The following PDE10A variants were observed in gnomAD, a reference collection of about 807,000 sequenced individuals.
PDE10A encodes cAMP and cAMP-inhibited cGMP 3',5'-cyclic phosphodiesterase 10A.
Under a neutral mutation model 97.7 loss-of-function variants are expected in PDE10A, and 39 were observed. That is an observed-to-expected ratio of 0.40 (90% CI 0.31 to 0.52). The LOEUF is 0.52. Among genes scored for constraint, PDE10A ranks in the 20% least tolerant of loss-of-function variants. The pLI is 0.56. For missense variants in PDE10A, 731 were observed against 1,047.8 expected (o/e 0.70, Z 4.17); for synonymous variants, 371 against 376.8 (o/e 0.98, Z 0.18).
intron 1 of PDE10A, among the ~76,000 whole-genome samples, chr6:165,801,014 G>A (rs1259795818): frequency 1.3e-5 from 2 of 152,176 alleles, no homozygotes; most frequent in Non-Finnish European, 2.9e-5. Context: ...GATTATGAAG[G>A]CGTTCATTCT....
intron 13 of PDE10A, among the ~76,000 whole-genome samples, chr6:165,409,164 C>CAAAAAA (rs61455081): frequency 1.8e-5 from 2 of 108,136 alleles, no homozygotes; most frequent in African/African-American, 3.6e-5. Flanking sequence ...GACTCCATCT[C>CAAAAAA]AAAAAAAAAA....
chr6:165,755,207 T>G (rs148593060), intron 1 of PDE10A, among the ~76,000 whole-genome samples: 3 of 152,340 alleles, frequency 2.0e-5, no homozygotes, highest in African/African-American at 4.8e-5. Context: ...GTCCTGACTG[T>G]GCTTTGCTGA....
rs572425326 is a variant in PDE10A at position 165,658,085 on chromosome 6, G to A, written c.865+3862C>T. ...ATTTCCACTGCTGAGTGTTGTTCTC[G>A]CATTCTTCTACAACCTCAGTCTCCC... On this transcript the variant is annotated intron_variant, in intron 1 of 21. Coordinates refer to ENST00000539869, the MANE Select transcript of PDE10A (RefSeq NM_001385079.1). 1.3e-3 allele frequency among the ~76,000 whole-genome samples: 201 copies of A among 152,252 alleles called. 2 individuals carry two copies. Among genetic ancestry groups the A allele is most frequent in the Non-Finnish European group, 2.4e-3 (165 of 68,020 alleles).
At chr6:165,435,775 T>C (rs1789973322) in intron 5 of PDE10A, among the ~76,000 whole-genome samples, 1 of 152,184 alleles carries the variant, frequency 6.6e-6, no homozygotes, top group African/African-American at 2.4e-5. Context: ...ACAGAATCAG[T>C]AGCTGCAAGT....
chr6:165,551,280 C>T (rs1320696278), intron 1 of PDE10A, among the ~76,000 whole-genome samples: 2 of 152,162 alleles, frequency 1.3e-5, no homozygotes, highest in Non-Finnish European at 2.9e-5. Context: ...CAACTTCATA[C>T]ACCTCCTTCT....
At chr6:165,455,809 T>A (rs2128253370) in intron 3 of PDE10A, among the ~76,000 whole-genome samples, 1 of 152,332 alleles carries the variant, frequency 6.6e-6, no homozygotes, top group South Asian at 2.1e-4. Flanking sequence ...GGTCTCCAAC[T>A]CAGTTTTGTG....
intron 1 of PDE10A, among the ~76,000 whole-genome samples, chr6:165,796,830 C>T (rs1778844364): frequency 6.6e-6 from 1 of 152,174 alleles, no homozygotes; most frequent in Non-Finnish European, 1.5e-5. Context: ...CACTTTCCCC[C>T]TCATTTTCAA....
intron 1 of PDE10A, among the ~76,000 whole-genome samples, chr6:165,915,290 C>T (rs1352902708): frequency 6.6e-6 from 1 of 152,166 alleles, no homozygotes; most frequent in Non-Finnish European, 1.5e-5. Context: ...GACAAGGTCC[C>T]TTTCCTCAAA....
chr6:165,934,088 A>G (rs1562804964), intron 1 of PDE10A, among the ~76,000 whole-genome samples: 1 of 149,914 alleles, frequency 6.7e-6, no homozygotes, highest in Non-Finnish European at 1.5e-5. Context: ...GGTTCAAGCA[A>G]TTCTCCTGCC....
At chr6:165,930,964 C>G (rs898848279) in intron 1 of PDE10A, among the ~76,000 whole-genome samples, 5 of 152,212 alleles carry the variant, frequency 3.3e-5, no homozygotes, top group Non-Finnish European at 2.9e-5. Context: ...AACGAGCCAG[C>G]CCCGTGAAAT....
intron 1 of PDE10A, among the ~76,000 whole-genome samples, chr6:165,861,113 C>T (rs567850967): frequency 2.6e-5 from 4 of 152,286 alleles, no homozygotes; most frequent in Non-Finnish European, 5.9e-5. Context: ...TGTTCAGGCC[C>T]GTATTGCAAC....
At chr6:165,896,427 C>A (rs1435942968) in intron 1 of PDE10A, among the ~76,000 whole-genome samples, 1 of 151,146 alleles carries the variant, frequency 6.6e-6, no homozygotes, top group Non-Finnish European at 1.5e-5. Context: ...GATCTTGGCT[C>A]ACTACAACCT....
chr6:165,595,324 A>C (rs981343080), intron 1 of PDE10A, among the ~76,000 whole-genome samples: 2 of 152,236 alleles, frequency 1.3e-5, no homozygotes, highest in Non-Finnish European at 2.9e-5. Flanking sequence ...GATGGCTCGA[A>C]GCCTTTGGCT....
Position 165,350,851 on chromosome 6 carries a change from G to A in PDE10A, c.2784-7349C>T, listed in dbSNP as rs1039205066. Among the ~76,000 whole-genome samples the A allele has an allele frequency of 3.3e-5, 5 of 152,122 alleles. No homozygotes were observed. In the East Asian group the frequency reaches 7.7e-4, roughly 24 times the overall value. On this transcript the variant is annotated intron_variant, in intron 18 of 21. Transcript: ENST00000539869. ...TCCCTCCTACTGCCATGTGAAGAAG[G>A]ACGTGTTTGCTTCCCCTTCCATCAT...
At chr6:165,366,624 C>T (rs995844814) in intron 18 of PDE10A, among the ~76,000 whole-genome samples, 1 of 152,146 alleles carries the variant, frequency 6.6e-6, no homozygotes, top group Admixed American at 6.5e-5. Context: ...GTCATAAATA[C>T]AGCCCAAAAG....
intron 1 of PDE10A, among the ~76,000 whole-genome samples, chr6:165,917,550 T>C (rs1782640566): frequency 6.6e-6 from 1 of 152,128 alleles, no homozygotes; most frequent in Admixed American, 6.5e-5. Flanking sequence ...GCAGGGCAAA[T>C]TTAGGGAAAA....
intron 2 of PDE10A, among the ~76,000 whole-genome samples, chr6:165,513,679 C>T (rs759997065): frequency 6.6e-6 from 1 of 151,908 alleles, no homozygotes; most frequent in African/African-American, 2.4e-5. Context: ...TCATTCATTT[C>T]GATTTTCTTT....
intron 1 of PDE10A, among the ~76,000 whole-genome samples, chr6:165,695,025 C>T (rs918770229): frequency 1.3e-5 from 2 of 152,056 alleles, no homozygotes; most frequent in African/African-American, 4.8e-5. Flanking sequence ...TATTTTATAG[C>T]CACATTTCTC....
intron 1 of PDE10A, among the ~76,000 whole-genome samples, chr6:165,619,389 A>AGTGTACTG (rs1562634641): frequency 9.8e-4 from 3 of 3,062 alleles, no homozygotes; most frequent in Admixed American, 6.1e-3. Context: ...GTAGTCTAGT[A>AGTGTACTG]TAGTGTAGTG....
Sources: gnomAD v4.1 joint callset for allele counts (sites outside exome capture counted in the v4.1 genomes callset) on GRCh38, gnomAD v4.1.1 for gene constraint, MANE v1.5 for transcripts, NCBI Gene and HGNC (gene_info 2026-07-23, HGNC 2026-07-21) for gene names.